Variants in ZNF518B observed in about 807,000 individuals in gnomAD.
ZNF518B encodes the protein zinc finger protein 518B.
Under a neutral mutation model 56.3 loss-of-function variants are expected in ZNF518B, and 23 were observed. That is an observed-to-expected ratio of 0.41 (90% CI 0.29 to 0.58). The LOEUF is 0.58. Among genes scored for constraint, ZNF518B ranks in the 20% least tolerant of loss-of-function variants. The pLI, the probability that ZNF518B is intolerant of heterozygous loss-of-function variation, is 0.32. For missense variants in ZNF518B, 1,460 were observed against 1,272.1 expected (o/e 1.15, Z -2.25); for synonymous variants, 529 against 465.9 (o/e 1.14, Z -1.74).
intron 1 of ZNF518B, 105 bp downstream of exon 1, chr4:10,457,212 C>G (rs1369777479): frequency 6.7e-6 from 1 of 150,030 alleles, no homozygotes; most frequent in Non-Finnish European, 1.5e-5. Context: ...CGGCCTGGCC[C>G]CGTCAGGCCC....
In ZNF518B at chr4:10,454,810, G is replaced by C. The variant is rs1158618140; in HGVS notation, c.-217C>G. Reference sequence around the variant, plus strand: ...CACTTGAGCACTGTTCTTACTTCCTGCCTGTAGCCTTGGAGTTGCAGATGT... The same window carrying C: ...CACTTGAGCACTGTTCTTACTTCCTCCCTGTAGCCTTGGAGTTGCAGATGT... On this transcript the variant is annotated 5_prime_UTR_variant, in exon 2 of 3. Transcript: ENST00000326756. The C allele has an allele frequency of 3.9e-5, 6 of 152,158 alleles. No individual in the cohort carries two copies. Among genetic ancestry groups the C allele is most frequent in the South Asian group, 2.1e-4 (1 of 4,826 alleles). The allele number at this position is 152,158 out of a possible 1,614,324, so 9.4% of individuals were successfully genotyped here.
chr4:10,443,742 G>C lies in ZNF518B; in HGVS notation c.2587C>G (p.Leu863Val). 6.2e-7 allele frequency: 1 copy of C among 1,614,200 alleles called. No homozygotes were observed. The highest frequency in any genetic ancestry group is 8.5e-7 in the Non-Finnish European group (1 of 1,180,044). Residue 863 changes from leucine (L) to valine (V), a missense_variant, in exon 3 of 3, where the codon CTC (leucine) becomes GTC (valine). Physicochemically the swap from Leu to Val is conservative, Grantham distance 32. Transcript: ENST00000326756. ...VCSTIHRKTGLLYGQQGSSEL... is the reference protein window; with the variant it reads ...VCSTIHRKTGVLYGQQGSSEL... The stretch of plus-strand genomic sequence containing the variant: ...CTGCTTCCTTGCTGTCCATACAAGA[G>C]GCCAGTTTTTCTATGGATGGTGCTA...
At chr4:10,449,755 C>G (rs1343538095) in intron 2 of ZNF518B, among the ~76,000 whole-genome samples, 1 of 152,196 alleles carries the variant, frequency 6.6e-6, no homozygotes, top group Non-Finnish European at 1.5e-5. Context: ...TGCTTACCAA[C>G]TATTTGAACA....
In ZNF518B at chr4:10,445,897, T is replaced by G; in HGVS notation, c.432A>C (p.Thr144=). 1 of 1,614,248 alleles carries G rather than the reference T, an allele frequency of 6.2e-7. No homozygotes were observed. The highest frequency in any genetic ancestry group is 1.1e-5 in the South Asian group (1 of 91,088). The change falls in exon 3 of 3, where the codon ACA becomes ACC. Residue 144 remains threonine (T), a synonymous_variant. Transcript: ENST00000326756. ...KYYCDKCRFS[T]KDPLQYKKHT... ...GCTTTTTGTACTGCAGCGGGTCCTTTGTAGAGAATCGACATTTATCACAAT... is the reference window on the plus strand; with the variant it reads ...GCTTTTTGTACTGCAGCGGGTCCTTGGTAGAGAATCGACATTTATCACAAT...
intron 2 of ZNF518B, chr4:10,454,020 T>G (rs960214410): frequency 3.3e-5 from 5 of 152,208 alleles, no homozygotes; most frequent in African/African-American, 7.2e-5. Flanking sequence ...GATACTGGGA[T>G]CTTTAAAAGC....
At chr4:10,449,093 A>G (rs1346114068) in intron 2 of ZNF518B, among the ~76,000 whole-genome samples, 1 of 152,230 alleles carries the variant, frequency 6.6e-6, no homozygotes, top group African/African-American at 2.4e-5. Flanking sequence ...TTATCCAGAT[A>G]AAACGGAAAA....
intron 2 of ZNF518B, chr4:10,452,377 AT>A (rs1715355741): frequency 6.6e-6 from 1 of 152,224 alleles, no homozygotes; most frequent in South Asian, 2.1e-4. Context: ...CTTACAAATT[AT>A]ATCTATATTC....
chr4:10,446,367 A>G lies in ZNF518B; in HGVS notation c.-39T>C, dbSNP rs1195067093. ...CTAAAAAGAGCCAACTAAAATTCAG[A>G]AAGTTTTCACATGATAAAATCCTTA... On this transcript the variant is annotated 5_prime_UTR_variant, in exon 3 of 3. Transcript: ENST00000326756. 1.3e-6 allele frequency: 2 copies of G among 1,576,542 alleles called. No homozygotes were observed. The highest frequency in any genetic ancestry group is 1.7e-6 in the Non-Finnish European group (2 of 1,154,472).
intron 2 of ZNF518B, among the ~76,000 whole-genome samples, chr4:10,447,058 T>A (rs532638300): frequency 6.2e-4 from 94 of 152,282 alleles, no homozygotes; most frequent in African/African-American, 2.1e-3. Flanking sequence ...CCTTCATGAG[T>A]GCTAAGAAGC....
chr4:10,446,726 C>T (rs1373798930), intron 2 of ZNF518B, among the ~76,000 whole-genome samples, 187 bp from the exon 3 acceptor site: 2 of 152,196 alleles, frequency 1.3e-5, no homozygotes, highest in Non-Finnish European at 2.9e-5. Context: ...CATTTTCAAA[C>T]TCAGCCCCCT....
chr4:10,447,153 A>G (rs1715094042), intron 2 of ZNF518B, among the ~76,000 whole-genome samples: 1 of 152,206 alleles, frequency 6.6e-6, no homozygotes, highest in South Asian at 2.1e-4. Flanking sequence ...AAAGTGCTGT[A>G]AGGTAGTGAA....
In ZNF518B at chr4:10,442,174, GAAAAC is replaced by G. The variant is rs1438177128; in HGVS notation, c.*925_*929del. On this transcript the variant is annotated 3_prime_UTR_variant, in exon 3 of 3. Transcript: ENST00000326756. ...CATGGTCTTTGGATGAATCCCAAAT[GAAAAC>G]TAAAGGGCATATGAAACCCTTTTCA... The G allele has an allele frequency of 2.6e-5, 4 of 152,158 alleles. No homozygotes were observed. Among genetic ancestry groups the G allele is most frequent in the African/African-American group, 7.2e-5 (3 of 41,432 alleles). The allele number at this position is 152,158 out of a possible 1,614,324, so 9.4% of individuals were successfully genotyped here.
Position 10,443,550 on chromosome 4 carries a change from C to CTA in ZNF518B, c.2777_2778dup (p.Ala927Ter). 1 of 1,614,180 alleles carries CTA rather than the reference C, an allele frequency of 6.2e-7. No homozygotes were observed. The highest frequency in any genetic ancestry group is 8.5e-7 in the Non-Finnish European group (1 of 1,180,002). On this transcript the variant is annotated frameshift_variant, in exon 3 of 3. Coordinates refer to ENST00000326756, the MANE Select transcript of ZNF518B (RefSeq NM_053042.3). LOFTEE classifies it high-confidence loss of function. ...TTAATCAACTGATCTGGCTTAGCTG[C>CTA]TATCAGTCTTAGTTGCCTTGCAACC...
At chr4:10,448,903 A>C (rs753543733) in intron 2 of ZNF518B, among the ~76,000 whole-genome samples, 18 of 152,202 alleles carry the variant, frequency 1.2e-4, no homozygotes, top group Non-Finnish European at 2.2e-4. Context: ...AGACAGAAGT[A>C]ACTCCCAGGA....
Position 10,454,850 on chromosome 4 carries a change from G to C in ZNF518B, c.-257C>G, listed in dbSNP as rs1327356721. The C allele has an allele frequency of 6.6e-6, 1 of 152,272 alleles. No homozygotes were observed. Among genetic ancestry groups the C allele is most frequent in the Admixed American group, 6.5e-5 (1 of 15,278 alleles). The allele number at this position is 152,272 out of a possible 1,614,324, so 9.4% of individuals were successfully genotyped here. On this transcript the variant is annotated 5_prime_UTR_variant, in exon 2 of 3. Transcript: ENST00000326756. ...GTTGCAGATGTAAGTCAAAACCGTG[G>C]CAAGTCCCATGGGCTCTTCCTTCTC...
intron 1 of ZNF518B, among the ~76,000 whole-genome samples, chr4:10,456,202 T>C (rs1038371485): frequency 6.6e-6 from 1 of 152,204 alleles, no homozygotes; most frequent in Non-Finnish European, 1.5e-5. Context: ...GTTTTTTTTT[T>C]TAATGTTACG....
chr4:10,461,286 G>A (rs1715733735), upstream of ZNF518B, among the ~76,000 whole-genome samples: 1 of 152,264 alleles, frequency 6.6e-6, no homozygotes, highest in Non-Finnish European at 1.5e-5. Flanking sequence ...CTGCGGCGCA[G>A]GCCCACTCTC....
At chr4:10,455,847 T>C (rs1715503985) in intron 1 of ZNF518B, among the ~76,000 whole-genome samples, 1 of 152,212 alleles carries the variant, frequency 6.6e-6, no homozygotes, top group African/African-American at 2.4e-5. Context: ...GTTAAAGATA[T>C]CAATATCACA....
At position 10,445,268 on chromosome 4, in the gene ZNF518B, T is replaced by C. The variant is rs139532629; in HGVS notation, c.1061A>G (p.Asn354Ser). The C allele has an allele frequency of 3.1e-4, 503 of 1,614,108 alleles. 6 individuals carry two copies. Among genetic ancestry groups the C allele is most frequent in the South Asian group, 1.4e-3 (125 of 91,070 alleles). Residue 354 changes from asparagine to serine, a missense_variant, in exon 3 of 3, where the codon AAT (asparagine) becomes AGT (serine). Physicochemically the swap from Asn to Ser is conservative, Grantham distance 46. Transcript: ENST00000326756. ...LAQLIDVKVV[N>S]GTQQLVLKLF... ...TTTCAGAACAAGCTGCTGTGTACCA[T>C]TGACAACCTTCACATCTATCAACTG...
Sources: gnomAD v4.1 joint callset for allele counts (sites outside exome capture counted in the v4.1 genomes callset) on GRCh38, gnomAD v4.1.1 for gene constraint, MANE v1.5 for transcripts, NCBI Gene and HGNC (gene_info 2026-07-23, HGNC 2026-07-21) for gene names.